The following IL1RAPL2 variants were observed in gnomAD, a reference collection of about 807,000 sequenced individuals.
IL1RAPL2 encodes X-linked interleukin-1 receptor accessory protein-like 2.
A neutral mutation model predicts 44.1 loss-of-function variants in IL1RAPL2; 3 were observed. The observed-to-expected ratio is 0.07, with a 90% CI of 0.03 to 0.18. The LOEUF is 0.18. IL1RAPL2 is among the 10% of genes least tolerant of loss of function. The pLI is 1.00. For missense variants in IL1RAPL2, 391 were observed against 496.4 expected (o/e 0.79, Z 2.02); for synonymous variants, 181 against 178.8 (o/e 1.01, Z -0.10).
At chrX:104,916,755 T>A (rs1303881551) in intron 2 of IL1RAPL2, among the ~76,000 whole-genome samples, 2 of 111,389 alleles carry the variant, frequency 1.8e-5, no homozygotes, top group African/African-American at 3.3e-5. Flanking sequence ...CAGTACGTAA[T>A]TTCTTGAGAG....
chrX:105,612,924 G>A (rs1419125373), intron 6 of IL1RAPL2, among the ~76,000 whole-genome samples: 2 of 111,550 alleles, frequency 1.8e-5, no homozygotes, highest in Non-Finnish European at 3.8e-5. Context: ...AGGCCACCTG[G>A]ACTGCAACTC....
intron 2 of IL1RAPL2, among the ~76,000 whole-genome samples, chrX:105,040,794 G>A (rs1238998563): frequency 3.7e-5 from 4 of 106,697 alleles, no homozygotes; most frequent in East Asian, 2.9e-4. Context: ...TCTTGCTAGC[G>A]GTCTATCAAT....
chrX:105,512,639 T>C (rs936987291), intron 6 of IL1RAPL2, among the ~76,000 whole-genome samples: 1 of 111,201 alleles, frequency 9.0e-6, no homozygotes, highest in African/African-American at 3.3e-5. Context: ...TCAAGAAAAA[T>C]TCAAGTAATA....
chrX:105,622,860 A>G (rs761680085), intron 6 of IL1RAPL2, among the ~76,000 whole-genome samples: 2 of 110,912 alleles, frequency 1.8e-5, no homozygotes, highest in East Asian at 5.7e-4. Context: ...CCACCCACCA[A>G]TGACCAACCT....
At chrX:104,670,279 C>G (rs1722555625) in intron 2 of IL1RAPL2, among the ~76,000 whole-genome samples, 2 of 111,398 alleles carry the variant, frequency 1.8e-5, no homozygotes, top group Admixed American at 9.5e-5. Context: ...GTCCAAAGAA[C>G]CTGGAGTCTG....
intron 2 of IL1RAPL2, among the ~76,000 whole-genome samples, chrX:105,131,049 T>C (rs772715220): frequency 4.0e-4 from 45 of 111,619 alleles, no homozygotes; most frequent in South Asian, 3.7e-4. Flanking sequence ...GGGAAGGTAG[T>C]GTAACTAAAT....
At chrX:105,199,994 C>T (rs1603004560) in intron 3 of IL1RAPL2, among the ~76,000 whole-genome samples, 1 of 110,905 alleles carries the variant, frequency 9.0e-6, no homozygotes, top group East Asian at 2.8e-4. Context: ...TAGTAGTGGC[C>T]ACTGACTTCT....
intron 5 of IL1RAPL2, among the ~76,000 whole-genome samples, chrX:105,313,083 A>T (rs1230829863): frequency 8.9e-6 from 1 of 111,759 alleles, no homozygotes; most frequent in African/African-American, 3.2e-5. Context: ...GTCAGAATTT[A>T]TGCTGTGGGC....
chrX:104,655,599 T>G (rs1214024735), intron 1 of IL1RAPL2, among the ~76,000 whole-genome samples: 1 of 111,937 alleles, frequency 8.9e-6, no homozygotes, highest in African/African-American at 3.2e-5. Context: ...ATTTCCACAT[T>G]AATGTTCATC....
At chrX:105,127,570 A>G (rs1036351562) in intron 2 of IL1RAPL2, among the ~76,000 whole-genome samples, 13 of 110,851 alleles carry the variant, frequency 1.2e-4, no homozygotes, top group African/African-American at 4.2e-4. Context: ...TTAAAGGAAC[A>G]AACTGGCTTG....
chrX:105,675,184 C>A (rs1427343551), intron 6 of IL1RAPL2, among the ~76,000 whole-genome samples: 1 of 111,353 alleles, frequency 9.0e-6, no homozygotes. Flanking sequence ...CTGGCCAGAA[C>A]TTACAATACT....
chrX:105,243,583 A>ATG (rs781986783), intron 4 of IL1RAPL2, among the ~76,000 whole-genome samples: 1 of 95,000 alleles, frequency 1.1e-5, no homozygotes, highest in Non-Finnish European at 2.0e-5. Context: ...ATATATATAT[A>ATG]TGTGTATATA....
chrX:105,540,356 A>G (rs1190713884), intron 6 of IL1RAPL2, among the ~76,000 whole-genome samples: 1 of 111,711 alleles, frequency 9.0e-6, no homozygotes, highest in Non-Finnish European at 1.9e-5. Context: ...GTATGCAGCC[A>G]TAAAGAATGA....
intron 2 of IL1RAPL2, among the ~76,000 whole-genome samples, chrX:105,194,024 G>GA (rs1297632266): frequency 5.5e-5 from 6 of 110,074 alleles, no homozygotes; most frequent in South Asian, 3.8e-4. Context: ...TTGAAAATCT[G>GA]AAAAAAAAGG....
intron 6 of IL1RAPL2, among the ~76,000 whole-genome samples, chrX:105,621,819 C>G (rs1382417741): frequency 1.8e-5 from 2 of 110,987 alleles, no homozygotes; most frequent in African/African-American, 3.3e-5. Flanking sequence ...GAGGAGAAAG[C>G]CTTTATTCTC....
At chrX:105,284,335 C>G (rs1336286179) in intron 5 of IL1RAPL2, among the ~76,000 whole-genome samples, 1 of 112,231 alleles carries the variant, frequency 8.9e-6, no homozygotes, top group Non-Finnish European at 1.9e-5. Context: ...AAGTCTCTTA[C>G]AACCCAAGGA....
At chrX:104,673,022 A>G (rs1448721682) in intron 2 of IL1RAPL2, among the ~76,000 whole-genome samples, 14 of 111,510 alleles carry the variant, frequency 1.3e-4, no homozygotes, top group East Asian at 2.8e-4. Flanking sequence ...AGTAGGTTGC[A>G]AAAATTTTCT....
At chrX:105,728,775 AT>A (rs1398746843) in intron 7 of IL1RAPL2, among the ~76,000 whole-genome samples, 1 of 111,256 alleles carries the variant, frequency 9.0e-6, no homozygotes, top group Non-Finnish European at 1.9e-5. Flanking sequence ...ATACAGTTCT[AT>A]GGTTTTTGAC....
At chrX:104,788,157 T>G (rs773407991) in intron 2 of IL1RAPL2, among the ~76,000 whole-genome samples, 10 of 112,237 alleles carry the variant, frequency 8.9e-5, no homozygotes, top group African/African-American at 2.6e-4. Context: ...ATGTAGAAAT[T>G]TAGGCATCAG....
Sources: gnomAD v4.1 joint callset for allele counts (sites outside exome capture counted in the v4.1 genomes callset) on GRCh38, gnomAD v4.1.1 for gene constraint, MANE v1.5 for transcripts, NCBI Gene and HGNC (gene_info 2026-07-23, HGNC 2026-07-21) for gene names.